Variants in MVB12B observed in about 807,000 individuals in gnomAD.
MVB12B encodes multivesicular body subunit 12B.
In MVB12B, 16 loss-of-function variants were observed where a neutral mutation model predicts 41.6. The ratio of observed to expected loss-of-function variants is 0.38; its 90% confidence interval spans 0.26 to 0.58. MVB12B has a LOEUF of 0.58. MVB12B is among the 20% of genes least tolerant of loss of function. MVB12B has a pLI of 0.62. For synonymous variants in MVB12B, 133 were observed against 139.7 expected, an observed-to-expected ratio of 0.95 and a Z score of 0.34; for missense variants, 274 against 380.2, an observed-to-expected ratio of 0.72 and a Z score of 2.32.
intron 9 of MVB12B, among the ~76,000 whole-genome samples, chr9:126,498,974 G>C (rs1240462223): frequency 4.6e-5 from 7 of 152,232 alleles, no homozygotes; most frequent in African/African-American, 7.2e-5. Context: ...ATGCATCACT[G>C]TGGTTAAAGC....
In MVB12B at chr9:126,421,958, G is replaced by A; in HGVS notation, c.757+10G>A. 1.3e-6 allele frequency: 2 copies of A among 1,599,604 alleles called. No individual in the cohort carries two copies. Among genetic ancestry groups the A allele is most frequent in the Non-Finnish European group, 1.7e-6 (2 of 1,167,482 alleles). On this transcript the variant is annotated intron_variant, in intron 7 of 9. Coordinates refer to ENST00000361171, the MANE Select transcript of MVB12B (RefSeq NM_033446.3). ...TTGTATGCCATATCAGGTATGTGGA[G>A]CCACCGCTGCAGGCCAGCTACAGAG...
At chr9:126,394,383 C>A (rs1369085531) in intron 5 of MVB12B, among the ~76,000 whole-genome samples, 1 of 152,122 alleles carries the variant, frequency 6.6e-6, no homozygotes, top group Non-Finnish European at 1.5e-5. Flanking sequence ...CCAGTATGTA[C>A]CTTGATAAAA....
intron 9 of MVB12B, among the ~76,000 whole-genome samples, chr9:126,489,058 G>A (rs558563260): frequency 1.4e-4 from 22 of 152,336 alleles, no homozygotes; most frequent in Middle Eastern, 3.4e-3. Flanking sequence ...TCACTTGGTT[G>A]TGGGTGGGTG....
intron 6 of MVB12B, among the ~76,000 whole-genome samples, chr9:126,410,172 T>TGTGCGC (rs58568577): frequency 7.8e-6 from 1 of 127,564 alleles, no homozygotes; most frequent in African/African-American, 2.8e-5. Context: ...TGTGTGTGTG[T>TGTGCGC]GCACGCATGC....
intron 7 of MVB12B, among the ~76,000 whole-genome samples, chr9:126,449,256 C>T (rs1227063505): frequency 2.6e-5 from 4 of 152,192 alleles, no homozygotes; most frequent in South Asian, 2.1e-4. Flanking sequence ...GACCTGCCAC[C>T]GGTACAAATA....
chr9:126,416,151 C>A (rs1158200191), intron 6 of MVB12B, among the ~76,000 whole-genome samples: 3 of 152,210 alleles, frequency 2.0e-5, no homozygotes, highest in Non-Finnish European at 4.4e-5. Context: ...TGCTGTGGTG[C>A]TGCATGGAGG....
At chr9:126,481,452 C>T in intron 8 of MVB12B, 28 bp downstream of exon 8, 1 of 1,557,236 alleles carries the variant, frequency 6.4e-7, no homozygotes, top group Non-Finnish European at 8.9e-7. Context: ...TCGCCCTTCC[C>T]CTCTGCCACC....
rs527428551 is a variant in MVB12B at position 126,345,822 on chromosome 9, A to G, written c.204+5192A>G. Among the ~76,000 whole-genome samples the G allele has an allele frequency of 1.9e-4, 29 of 152,264 alleles. 1 individual carries two copies. The South Asian group carries it at 6.0e-3, about 32-fold the overall frequency. Reference sequence around the variant, plus strand: ...TGAAATGCCTATACCCAGTCCCCCAACTTTTAAGTAAAACTTTTCTCATCC... The same window carrying G: ...TGAAATGCCTATACCCAGTCCCCCAGCTTTTAAGTAAAACTTTTCTCATCC... On this transcript the variant is annotated intron_variant, in intron 2 of 9. Coordinates refer to ENST00000361171, the MANE Select transcript of MVB12B (RefSeq NM_033446.3).
rs1830936457 is a variant in MVB12B at position 126,391,061 on chromosome 9, G to T, written c.410-1005G>T. Reference sequence around the variant, plus strand: ...AACAGTCATCAGAGGGTGAGAAAGTGCTCAGAGGATGGCAGTTGGGGAACT... The same window carrying T: ...AACAGTCATCAGAGGGTGAGAAAGTTCTCAGAGGATGGCAGTTGGGGAACT... On this transcript the variant is annotated intron_variant, in intron 4 of 9. Coordinates refer to ENST00000361171, the MANE Select transcript of MVB12B (RefSeq NM_033446.3). This position sits in a 1 kb window ranked among gnomAD's most constrained non-coding sequence, Gnocchi z 4.4. 6.6e-6 allele frequency among the ~76,000 whole-genome samples: 1 copy of T among 152,138 alleles called. No homozygotes were observed. Among genetic ancestry groups the T allele is most frequent in the Non-Finnish European group, 1.5e-5 (1 of 68,030 alleles).
Position 126,503,615 on chromosome 9 carries a change from A to G in MVB12B, c.*352A>G, listed in dbSNP as rs962466424. The G allele has an allele frequency of 8.2e-4, 273 of 331,106 alleles. 3 individuals carry two copies. The East Asian group carries it at 0.018, about 21-fold the overall frequency. 20.5% of individuals were successfully genotyped at this position (331,106 alleles called of 1,614,324 possible). On this transcript the variant is annotated 3_prime_UTR_variant, in exon 10 of 10. Coordinates refer to ENST00000361171, the MANE Select transcript of MVB12B (RefSeq NM_033446.3). Reference sequence around the variant, plus strand: ...TTGCCCTGGCCGCCCAGTGACGCCCACCGGCTCCCTCCGCTCCCTCCTGTC... The same window carrying G: ...TTGCCCTGGCCGCCCAGTGACGCCCGCCGGCTCCCTCCGCTCCCTCCTGTC...
intron 7 of MVB12B, among the ~76,000 whole-genome samples, chr9:126,438,351 T>C (rs1170875438): frequency 6.6e-6 from 1 of 152,202 alleles, no homozygotes; most frequent in Admixed American, 6.5e-5. Flanking sequence ...CAAAAGTCTT[T>C]CATAATTGAA....
Position 126,403,498 on chromosome 9 carries a change from T to C in MVB12B, c.662+7801T>C, listed in dbSNP as rs74824180. Among the ~76,000 whole-genome samples, 481 of 152,348 alleles carry C rather than the reference T, an allele frequency of 3.2e-3. 11 individuals are homozygous for C. The East Asian group carries it at 0.07, about 22-fold the overall frequency. Reference sequence around the variant, plus strand: ...TACAGCCTGGCATCTCACAGTTCCCTGTCATTGCTGCGTGTATTTCTGTTT... The same window carrying C: ...TACAGCCTGGCATCTCACAGTTCCCCGTCATTGCTGCGTGTATTTCTGTTT... On this transcript the variant is annotated intron_variant, in intron 6 of 9. Transcript: ENST00000361171.
chr9:126,328,363 T>C (rs1274361719), intron 1 of MVB12B, among the ~76,000 whole-genome samples: 1 of 152,192 alleles, frequency 6.6e-6, no homozygotes, highest in East Asian at 1.9e-4. Context: ...TCCTTCCTTC[T>C]AGGCTTTAGG....
chr9:126,381,200 G>C, intron 3 of MVB12B, 29 bp downstream of exon 3: 1 of 1,466,356 alleles, frequency 6.8e-7, no homozygotes, highest in Non-Finnish European at 9.5e-7. Flanking sequence ...TCCATTTGCT[G>C]AGTGAGCACA....
intron 2 of MVB12B, among the ~76,000 whole-genome samples, chr9:126,378,908 T>C (rs563722382): frequency 3.0e-4 from 46 of 152,270 alleles, no homozygotes; most frequent in African/African-American, 1.0e-3. Context: ...AGCAGTGTGG[T>C]GGGTGGAGAG....
intron 6 of MVB12B, among the ~76,000 whole-genome samples, chr9:126,420,979 G>A: frequency 6.6e-6 from 1 of 152,138 alleles, no homozygotes; most frequent in East Asian, 1.9e-4. Flanking sequence ...AAATGTCCGG[G>A]TGTGGCCACA....
chr9:126,358,986 T>C (rs1829957051), intron 2 of MVB12B, among the ~76,000 whole-genome samples: 2 of 152,200 alleles, frequency 1.3e-5, no homozygotes, highest in African/African-American at 4.8e-5. Flanking sequence ...AAATCATACA[T>C]GGATATTGAA....
At chr9:126,409,299 C>CTGTGTGTGTGTGTGTGTG (rs61211126) in intron 6 of MVB12B, among the ~76,000 whole-genome samples, 11 of 138,116 alleles carry the variant, frequency 8.0e-5, no homozygotes, top group African/African-American at 2.5e-4. Flanking sequence ...GTGAGTAACT[C>CTGTGTGTGTGTGTGTGTG]TGTGTGTGTG....
chr9:126,503,616 C>G lies in MVB12B; in HGVS notation c.*353C>G. On this transcript the variant is annotated 3_prime_UTR_variant, in exon 10 of 10. Transcript: ENST00000361171. ...TGCCCTGGCCGCCCAGTGACGCCCA[C>G]CGGCTCCCTCCGCTCCCTCCTGTCA... The G allele has an allele frequency of 3.1e-6, 1 of 324,446 alleles. No homozygotes were observed. 20.1% of individuals were successfully genotyped at this position (324,446 alleles called of 1,614,324 possible).
Sources: gnomAD v4.1 joint callset for allele counts (sites outside exome capture counted in the v4.1 genomes callset) on GRCh38, gnomAD v4.1.1 for gene constraint, Gnocchi (gnomAD v3.1) non-coding constraint, MANE v1.5 for transcripts, NCBI Gene and HGNC (gene_info 2026-07-23, HGNC 2026-07-21) for gene names.